Variants in C4orf50 observed in about 807,000 individuals in gnomAD.
C4orf50 encodes chromosome 4 open reading frame 50.
Under a neutral mutation model 77.2 loss-of-function variants are expected in C4orf50, and 80 were observed. The ratio of observed to expected loss-of-function variants is 1.04; its 90% confidence interval spans 0.87 to 1.25. The LOEUF is 1.25. Among genes scored for constraint, C4orf50 ranks in the 50% most tolerant of loss-of-function variants. C4orf50 has a pLI of 0.00. For synonymous variants in C4orf50, 532 were observed against 465.3 expected (o/e 1.14, Z -1.84); for missense variants, 1,257 against 1,152.9 (o/e 1.09, Z -1.31).
downstream of C4orf50, among the ~76,000 whole-genome samples, chr4:5,954,399 C>T (rs1309580951): frequency 6.6e-6 from 1 of 152,190 alleles, no homozygotes; most frequent in African/African-American, 2.4e-5. This position sits in a 1 kb window ranked among gnomAD's most constrained non-coding sequence, Gnocchi z 4.7. Context: ...TGCTAAATTA[C>T]TCTCGGCCAC....
At chr4:5,967,385 G>C in intron 32 of C4orf50, 29 bp downstream of exon 10, 2 of 1,597,260 alleles carry the variant, frequency 1.3e-6, no homozygotes, top group South Asian at 1.1e-5. Context: ...TGAGCACACA[G>C]GCTTTTCCTG....
chr4:5,916,815 G>A lies in C4orf50; in HGVS notation c.*2475-18627C>T, dbSNP rs1717047640. 6.6e-6 allele frequency among the ~76,000 whole-genome samples: 1 copy of A among 152,098 alleles called. No homozygotes were observed. The highest frequency in any genetic ancestry group is 1.5e-5 in the Non-Finnish European group (1 of 68,012). On this transcript the variant is annotated intron_variant, in intron 7 of 7. Transcript: ENST00000324058. The surrounding 1 kb of genome is among the most constrained non-coding windows in gnomAD (Gnocchi z 4.4). ...CGCAGATCTTCTGCTTAGAGGACAG[G>A]AGCCTCTGCTTGAGGTGGGCACAAG...
intron 7 of C4orf50, among the ~76,000 whole-genome samples, chr4:5,928,864 C>T (rs756605407): frequency 6.6e-6 from 1 of 152,300 alleles, no homozygotes; most frequent in East Asian, 1.9e-4. Context: ...ATAAGTCAAC[C>T]TTCCCAGTGT....
rs1722635254 is a variant in C4orf50, at chr4:6,015,084, T to C, written c.287+3061A>G. Among the ~76,000 whole-genome samples the C allele has an allele frequency of 6.6e-6, 1 of 152,192 alleles. No homozygotes were observed. The highest frequency in any genetic ancestry group is 6.5e-5 in the Admixed American group (1 of 15,274). ...TGTACAACCCTGTATGGGCCTACGCTGCTAGTCTCTCAGCCCAGGGCCCTG... is the reference window on the plus strand; with the variant it reads ...TGTACAACCCTGTATGGGCCTACGCCGCTAGTCTCTCAGCCCAGGGCCCTG... On this transcript the variant is annotated intron_variant, in intron 23 of 33. Transcript: ENST00000531445. This position sits in a 1 kb window ranked among gnomAD's most constrained non-coding sequence, Gnocchi z 4.4.
At chr4:6,003,928 G>A (rs1456182956) in intron 25 of C4orf50, among the ~76,000 whole-genome samples, 574 of 25,888 alleles carry the variant, frequency 0.022, 12 homozygotes, top group Non-Finnish European at 0.034. Flanking sequence ...GGTGGTGATG[G>A]TGATGATGGT....
At chr4:5,993,832 A>T (rs1181058782) in intron 26 of C4orf50, among the ~76,000 whole-genome samples, 1 of 138,848 alleles carries the variant, frequency 7.2e-6, no homozygotes, top group Admixed American at 7.0e-5. Context: ...AATAAAATAA[A>T]AAAATAAAAA....
At position 5,993,742 on chromosome 4, in the gene C4orf50, G is replaced by A. The variant is rs139648469; in HGVS notation, c.1093+605C>T. ...TGAGACAGGAGAATAGCTTGAACCCGGGAGCTTGAGGTTGCAGTGAGCCGA... is the reference window on the plus strand; with the variant it reads ...TGAGACAGGAGAATAGCTTGAACCCAGGAGCTTGAGGTTGCAGTGAGCCGA... On this transcript the variant is annotated intron_variant, in intron 26 of 33. Transcript: ENST00000531445. 4.7e-3 allele frequency among the ~76,000 whole-genome samples: 706 copies of A among 149,808 alleles called. 7 individuals carry two copies. Among genetic ancestry groups the A allele is most frequent in the African/African-American group, 0.016 (660 of 40,586 alleles).
chr4:5,928,853 A>T (rs1717636665), intron 7 of C4orf50, among the ~76,000 whole-genome samples: 1 of 152,216 alleles, frequency 6.6e-6, no homozygotes, highest in South Asian at 2.1e-4. Flanking sequence ...AAAAACAAAA[A>T]ATAAGTCAAC....
In C4orf50 at chr4:5,915,026, A is replaced by G. The variant is rs139589192; in HGVS notation, c.*2475-16838T>C. Among the ~76,000 whole-genome samples, 40 of 152,312 alleles carry G rather than the reference A, an allele frequency of 2.6e-4. No homozygotes were observed. In the East Asian group the frequency reaches 7.5e-3, roughly 29 times the overall value. ...TCAGAAAGTAATTACTCTAAATTCT[A>G]CACCTAAAAATATTATCTTCAATAT... On this transcript the variant is annotated intron_variant, in intron 7 of 7. Transcript: ENST00000324058.
At chr4:5,987,481 CAATAAATA>C (rs976982979) in intron 28 of C4orf50, among the ~76,000 whole-genome samples, 1 of 124,520 alleles carries the variant, frequency 8.0e-6, no homozygotes, top group African/African-American at 3.0e-5. Flanking sequence ...CAAATACAAA[CAATAAATA>C]AAATCAATAA....
chr4:5,921,041 G>C (rs73210709), intron 7 of C4orf50, among the ~76,000 whole-genome samples: 3,469 of 152,290 alleles, frequency 0.023, 53 homozygotes, highest in Middle Eastern at 0.041. Context: ...GATGTGGCCT[G>C]CTTATCTGAG....
At position 5,911,969 on chromosome 4, in the gene C4orf50, C is replaced by T. The variant is rs562737249; in HGVS notation, c.*2475-13781G>A. Reference sequence around the variant, plus strand: ...GCTGAGGCGGGAAAATCGCTTTAACCCCGGAGGCGGAGGTTGCAGTGAGCC... The same window carrying T: ...GCTGAGGCGGGAAAATCGCTTTAACTCCGGAGGCGGAGGTTGCAGTGAGCC... On this transcript the variant is annotated intron_variant, in intron 7 of 7. Transcript: ENST00000324058. Among the ~76,000 whole-genome samples, 3 of 152,250 alleles carry T rather than the reference C, an allele frequency of 2.0e-5. No individual in the cohort carries two copies. In the East Asian group the frequency reaches 5.8e-4, roughly 29 times the overall value.
intron 28 of C4orf50, among the ~76,000 whole-genome samples, chr4:5,987,364 T>C (rs1332756822): frequency 7.1e-5 from 8 of 113,444 alleles, no homozygotes; most frequent in African/African-American, 2.8e-4. Context: ...TGAGCCGAGA[T>C]CCCACCACTG....
rs532109301 is a variant in C4orf50, at chr4:5,988,689, C to T, written c.3357G>A (p.Glu1119=). Reference sequence around the variant, plus strand: ...GCATCTTGGCTTTTCCCTGGAGGTGCTCCCTTCCCCTCACCAAACGCCCCT... The same window carrying T: ...GCATCTTGGCTTTTCCCTGGAGGTGTTCCCTTCCCCTCACCAAACGCCCCT... Residue 1119 remains glutamate, a synonymous_variant, in exon 28 of 34, where the codon GAG becomes GAA. Coordinates refer to ENST00000531445, the Ensembl canonical transcript of C4orf50. The T allele has an allele frequency of 9.6e-5, 147 of 1,536,084 alleles. 1 individual carries two copies. In the East Asian group the frequency reaches 2.1e-3, roughly 22 times the overall value.
exon 28 of C4orf50, chr4:5,989,120 C>G: frequency 6.5e-7 from 1 of 1,536,046 alleles, no homozygotes; most frequent in Non-Finnish European, 8.7e-7. Context: ...TTATCCCGCT[C>G]GAGCCTGGAT....
chr4:6,007,878 G>A lies in C4orf50; in HGVS notation c.963+118C>T, dbSNP rs113184133. ...AAGGACGATGGACAGGGCTGGCAGG[G>A]TTAAACGGCTGTAGGAAGAGGAGCC... On this transcript the variant is annotated intron_variant, in intron 25 of 33. Coordinates refer to ENST00000531445, the Ensembl canonical transcript of C4orf50. The surrounding 1 kb of genome is among the most constrained non-coding windows in gnomAD (Gnocchi z 4.1). 1,729 of 398,480 alleles carry A rather than the reference G, an allele frequency of 4.3e-3. 6 individuals are homozygous for A. The highest frequency in any genetic ancestry group is 8.8e-3 in the Middle Eastern group (14 of 1,594). 24.7% of individuals were successfully genotyped at this position (398,480 alleles called of 1,614,324 possible). A position where few individuals can be genotyped will look rare whatever the true frequency, so the allele number is the denominator to read the frequency against.
At chr4:5,949,391 C>T (rs1302943270) in intron 7 of C4orf50, among the ~76,000 whole-genome samples, 1 of 152,222 alleles carries the variant, frequency 6.6e-6, no homozygotes, top group Non-Finnish European at 1.5e-5. Context: ...CACGCTCCAA[C>T]ACGGATGAAC....
exon 28 of C4orf50, chr4:5,988,933 C>T (rs1339999004): frequency 9.8e-6 from 15 of 1,535,992 alleles, no homozygotes; most frequent in Admixed American, 7.8e-5. Flanking sequence ...TTTCCTGACA[C>T]TCTCAGACGT....
At chr4:5,986,610 CTCACTGCAACCTCCGCCTCCCAGGT>C (rs1218546458) in intron 28 of C4orf50, among the ~76,000 whole-genome samples, 1 of 151,034 alleles carries the variant, frequency 6.6e-6, no homozygotes, top group African/African-American at 2.4e-5. Flanking sequence ...ACAATCTCGG[CTCACTGCAACCTCCGCCTCCCAGGT>C]TCAAGCAATT....
Sources: gnomAD v4.1 joint callset for allele counts (sites outside exome capture counted in the v4.1 genomes callset) on GRCh38, gnomAD v4.1.1 for gene constraint, Gnocchi (gnomAD v3.1) non-coding constraint, MANE v1.5 for transcripts, NCBI Gene and HGNC (gene_info 2026-07-23, HGNC 2026-07-21) for gene names.